The following OGDH variants were observed in gnomAD, a reference collection of about 807,000 sequenced individuals.
The protein encoded by OGDH is 2-oxoglutarate dehydrogenase complex component E1.
In OGDH, 38 loss-of-function variants were observed where a neutral mutation model predicts 116.6. That is an observed-to-expected ratio of 0.33 (90% CI 0.25 to 0.43). The LOEUF (loss-of-function observed/expected upper bound fraction) is 0.43. OGDH is among the 20% of genes least tolerant of loss of function. The probability of loss-of-function intolerance (pLI) is 1.00; values close to 1 mark genes in which losing one functional copy is unlikely to be tolerated. For missense variants in OGDH, 825 were observed against 1,357.2 expected (o/e 0.61, Z 6.16); for synonymous variants, 488 against 533.3 (o/e 0.92, Z 1.17).
intron 9 of OGDH, among the ~76,000 whole-genome samples, chr7:44,679,405 G>GAGC (rs1280601570): frequency 6.6e-6 from 1 of 152,170 alleles, no homozygotes; most frequent in Admixed American, 6.5e-5. Context: ...CTATCCTAGT[G>GAGC]AGCACCTGCC....
chr7:44,692,192 G>C (rs959062485), intron 10 of OGDH, among the ~76,000 whole-genome samples: 5 of 152,086 alleles, frequency 3.3e-5, no homozygotes, highest in Admixed American at 2.0e-4. Context: ...GCGTTTGAGG[G>C]AGAAAATTTG....
Position 44,696,337 on chromosome 7 carries a change from C to T in OGDH, c.1772-92C>T, listed in dbSNP as rs997030135. 2.0e-6 allele frequency: 3 copies of T among 1,483,296 alleles called. No individual in the cohort carries two copies. In the African/African-American group the frequency reaches 4.2e-5, roughly 21 times the overall value. The allele number at this position is 1,483,296 out of a possible 1,614,324, so 91.9% of individuals were successfully genotyped here. On this transcript the variant is annotated intron_variant, in intron 13 of 22. Transcript: ENST00000222673. ...ACAGTGTGAGCTACATTGTCTCTCA[C>T]CCTGCTTCTCCCCAAAATCACGTGT... is the stretch of plus-strand genomic sequence containing the variant.
intron 2 of OGDH, among the ~76,000 whole-genome samples, chr7:44,635,621 T>TA (rs1437534594): frequency 6.6e-6 from 1 of 152,130 alleles, no homozygotes. Flanking sequence ...CCCGTAGTCA[T>TA]AGAGCTTGGG....
chr7:44,630,140 C>G (rs532160946), intron 2 of OGDH, among the ~76,000 whole-genome samples: 1 of 152,306 alleles, frequency 6.6e-6, no homozygotes, highest in African/African-American at 2.4e-5. Context: ...CACAAACTGT[C>G]CCATTATGCA....
At chr7:44,678,387 C>G (rs924929516) in intron 9 of OGDH, among the ~76,000 whole-genome samples, 1 of 152,176 alleles carries the variant, frequency 6.6e-6, no homozygotes, top group African/African-American at 2.4e-5. Context: ...CAGAAATCCA[C>G]TCTAGCAGTA....
intron 1 of OGDH, 144 bp from the exon 2 acceptor site, chr7:44,624,173 G>GTTTTGT: frequency 1.6e-6 from 1 of 622,872 alleles, no homozygotes; most frequent in Non-Finnish European, 2.8e-6. Context: ...AGTTGAACAT[G>GTTTTGT]TTTTGTTTTT....
At chr7:44,695,983 A>G in intron 12 of OGDH, 42 bp from the exon 13 acceptor site, 1 of 1,108,720 alleles carries the variant, frequency 9.0e-7, no homozygotes, top group Non-Finnish European at 1.4e-6. Context: ...TGCAGTAGTC[A>G]TGCCCTGTGC....
At chr7:44,609,221 C>T (rs1439092422) in intron 1 of OGDH, among the ~76,000 whole-genome samples, 2 of 151,372 alleles carry the variant, frequency 1.3e-5, no homozygotes, top group African/African-American at 4.9e-5. Flanking sequence ...TAGTTCATTC[C>T]TTGGCCAGGC....
At chr7:44,615,985 C>G (rs955648209) in intron 1 of OGDH, among the ~76,000 whole-genome samples, 1 of 151,410 alleles carries the variant, frequency 6.6e-6, no homozygotes, top group Non-Finnish European at 1.5e-5. Flanking sequence ...GCCGAGATCA[C>G]ACCACTGCAC....
chr7:44,666,720 C>A lies in OGDH; in HGVS notation c.518-16C>A. Reference sequence around the variant, plus strand: ...TCCCTCCTCATCTGGCTTGTCCTGCCCACATCGCCCTGCAGGGTTCTATGG... The same window carrying A: ...TCCCTCCTCATCTGGCTTGTCCTGCACACATCGCCCTGCAGGGTTCTATGG... On this transcript the variant is annotated splice_polypyrimidine_tract_variant and intron_variant, in intron 4 of 22. Coordinates refer to ENST00000222673, the MANE Select transcript of OGDH (RefSeq NM_002541.4). 2 of 1,550,272 alleles carry A rather than the reference C, an allele frequency of 1.3e-6. No individual in the cohort carries two copies. The highest frequency in any genetic ancestry group is 1.1e-5 in the South Asian group (1 of 87,268).
chr7:44,611,696 C>CCA (rs1335387285), intron 1 of OGDH, among the ~76,000 whole-genome samples: 7 of 152,096 alleles, frequency 4.6e-5, no homozygotes, highest in Non-Finnish European at 1.0e-4. Flanking sequence ...CAGGCGTGAG[C>CCA]CACTGCGCCT....
At position 44,645,096 on chromosome 7, in the gene OGDH, G is replaced by A. The variant is rs559861522; in HGVS notation, c.223-231G>A. 2.2e-4 allele frequency among the ~76,000 whole-genome samples: 33 copies of A among 152,272 alleles called. No homozygotes were observed. In the South Asian group the frequency reaches 6.8e-3, roughly 32 times the overall value. On this transcript the variant is annotated intron_variant, in intron 2 of 22. Coordinates refer to ENST00000222673, the MANE Select transcript of OGDH (RefSeq NM_002541.4). ...CACAGGGCATCTGTGTTATAGCTGT[G>A]GGGGTCAGAAAGTGCATCCCGAAGA...
In OGDH at chr7:44,629,582, T is replaced by C. The variant is rs1455305864; in HGVS notation, c.222+5017T>C. ...TCTTTCCTTTTTCTTTTTCTTTTCT[T>C]TTTTTTTTTTTTTTTTGAGACGAGT... On this transcript the variant is annotated intron_variant, in intron 2 of 22. Transcript: ENST00000222673. Among the ~76,000 whole-genome samples, 166 of 69,038 alleles carry C rather than the reference T, an allele frequency of 2.4e-3. 1 individual carries two copies. The highest frequency in any genetic ancestry group is 5.4e-3 in the African/African-American group (157 of 29,090). 45.3% of individuals were successfully genotyped at this position (69,038 alleles called of 152,430 possible). A position where few individuals can be genotyped will look rare whatever the true frequency, so the allele number is the denominator to read the frequency against.
chr7:44,677,847 C>G (rs1787765763), intron 9 of OGDH, among the ~76,000 whole-genome samples: 1 of 149,726 alleles, frequency 6.7e-6, no homozygotes, highest in Admixed American at 6.7e-5. Context: ...GCACTCCAGC[C>G]TGGGTGACAG....
intron 4 of OGDH, among the ~76,000 whole-genome samples, chr7:44,662,108 TCAGA>T (rs1228474684): frequency 6.6e-6 from 1 of 152,216 alleles, no homozygotes; most frequent in African/African-American, 2.4e-5. Flanking sequence ...TAGAACTTCA[TCAGA>T]CAGAGTTATA....
At chr7:44,683,066 G>A (rs981755489) in intron 10 of OGDH, among the ~76,000 whole-genome samples, 2 of 151,796 alleles carry the variant, frequency 1.3e-5, no homozygotes, top group Non-Finnish European at 2.9e-5. Context: ...GGAGAATGGC[G>A]TGAACCCGGG....
chr7:44,671,822 C>G (rs1787472362), intron 5 of OGDH, among the ~76,000 whole-genome samples: 1 of 150,024 alleles, frequency 6.7e-6, no homozygotes, highest in South Asian at 2.1e-4. Context: ...GTAATCCCAG[C>G]ACTTTGGGAG....
Position 44,627,186 on chromosome 7 carries a change from G to A in OGDH, c.222+2621G>A, listed in dbSNP as rs149709651. Among the ~76,000 whole-genome samples, 402 of 152,264 alleles carry A rather than the reference G, an allele frequency of 2.6e-3. 2 individuals carry two copies. Among genetic ancestry groups the A allele is most frequent in the African/African-American group, 8.9e-3 (370 of 41,554 alleles). ...TAATTTTTGTATTTTTAGTAGAGAC[G>A]GGGTTTCACCATGTTAGTCGGGCTG... On this transcript the variant is annotated intron_variant, in intron 2 of 22. Coordinates refer to ENST00000222673, the MANE Select transcript of OGDH (RefSeq NM_002541.4).
At chr7:44,662,491 C>G (rs1786991895) in intron 4 of OGDH, among the ~76,000 whole-genome samples, 1 of 141,898 alleles carries the variant, frequency 7.0e-6, no homozygotes, top group East Asian at 2.1e-4. Context: ...GAGACAGAGT[C>G]TCACTCTGTT....
Sources: allele counts gnomAD v4.1 joint callset (sites outside exome capture counted in the v4.1 genomes callset), GRCh38; gene constraint gnomAD v4.1.1; transcripts MANE v1.5; gene names NCBI Gene and HGNC (gene_info 2026-07-23, HGNC 2026-07-21).